PRPSAP2: variants seen among roughly 807,000 people sequenced by gnomAD.
PRPSAP2 encodes the protein phosphoribosyl pyrophosphate synthetase associated protein 2, also known as phosphoribosyl pyrophosphate synthase-associated protein 2.
In PRPSAP2, 24 loss-of-function variants were observed where a neutral mutation model predicts 40.6. That is an observed-to-expected ratio of 0.59 (90% confidence interval 0.43 to 0.83). The LOEUF is 0.83. PRPSAP2 is among the 40% of genes least tolerant of loss of function. The pLI is 0.00. For missense variants in PRPSAP2, 292 were observed against 465.6 expected (o/e 0.63, Z 3.43); for synonymous variants, 149 against 164.7 (o/e 0.90, Z 0.73).
rs762730489 is a variant in PRPSAP2, at chr17:18,877,701, C to T, written c.243C>T (p.Asp81=). Residue 81 remains aspartate, a synonymous_variant, in exon 6 of 12, where the codon GAC becomes GAT. Coordinates refer to ENST00000268835, the MANE Select transcript of PRPSAP2 (RefSeq NM_002767.4). ...DVFIIQTVSK[D]VNTTIMELLI... is the part of the protein sequence containing the mutation. Reference sequence around the variant, plus strand: ...ATTTGCTGTGTCTTTGTTACAGGGACGTGAACACCACCATCATGGAGCTCC... The same window carrying T: ...ATTTGCTGTGTCTTTGTTACAGGGATGTGAACACCACCATCATGGAGCTCC... The T allele has an allele frequency of 7.5e-6, 12 of 1,604,238 alleles. No homozygotes were observed. The highest frequency in any genetic ancestry group is 2.7e-5 in the African/African-American group (2 of 74,368).
chr17:18,880,345 A>G (rs1051139260), intron 6 of PRPSAP2, among the ~76,000 whole-genome samples: 19 of 152,160 alleles, frequency 1.2e-4, no homozygotes, highest in African/African-American at 3.1e-4. Context: ...TGATCGTTAC[A>G]AAGGTGGTGA....
rs1422715738 is a variant in PRPSAP2 at position 18,928,882 on chromosome 17, G to T, written c.876G>T (p.Lys292Asn). ...AETLKERGAY[K>N]IFVMATHGLL... ...CCCTGAAGGAAAGAGGTGCATATAAGATCTTTGTGATGGCAACTCATGGCT... is the reference window on the plus strand; with the variant it reads ...CCCTGAAGGAAAGAGGTGCATATAATATCTTTGTGATGGCAACTCATGGCT... The change falls in exon 11 of 12, where the codon AAG (lysine) becomes AAT (asparagine). Residue 292 changes from lysine to asparagine, a missense_variant. Transcript: ENST00000268835. The T allele has an allele frequency of 6.2e-6, 10 of 1,614,156 alleles. No homozygotes were observed. The highest frequency in any genetic ancestry group is 8.5e-6 in the Non-Finnish European group (10 of 1,180,006).
chr17:18,916,600 G>A (rs1023578659), intron 9 of PRPSAP2, among the ~76,000 whole-genome samples: 7 of 151,858 alleles, frequency 4.6e-5, no homozygotes, highest in Admixed American at 6.6e-5. Context: ...CAGGCTGGTC[G>A]CGAACCCCTG....
Position 18,911,232 on chromosome 17 carries a change from C to T in PRPSAP2, c.714C>T (p.His238=). 1 of 1,611,614 alleles carries T rather than the reference C, an allele frequency of 6.2e-7. No individual in the cohort carries two copies. Among genetic ancestry groups the T allele is most frequent in the Non-Finnish European group, 8.5e-7 (1 of 1,178,450 alleles). Residue 238 remains histidine (H), a synonymous_variant, in exon 9 of 12, where the codon CAC becomes CAT. Coordinates refer to ENST00000268835, the MANE Select transcript of PRPSAP2 (RefSeq NM_002767.4). This position sits in a 1 kb window ranked among gnomAD's most constrained non-coding sequence, Gnocchi z 4.5. Reference sequence around the variant, plus strand: ...TGGTCAGAAGTGTGGCTGCCATCCACCCCAGCCTGGAGATCCCCAGTAAGT... The same window carrying T: ...TGGTCAGAAGTGTGGCTGCCATCCATCCCAGCCTGGAGATCCCCAGTAAGT... ...PPMVRSVAAI[H]PSLEIPMLIP... is the part of the protein sequence containing the mutation.
chr17:18,870,260 G>A (rs1450528557), intron 4 of PRPSAP2, among the ~76,000 whole-genome samples: 2 of 152,106 alleles, frequency 1.3e-5, no homozygotes, highest in African/African-American at 2.4e-5. Flanking sequence ...CAGGCCGGGT[G>A]CGGTGGCTCA....
chr17:18,889,513 T>A (rs2039402866), intron 7 of PRPSAP2, among the ~76,000 whole-genome samples: 1 of 152,196 alleles, frequency 6.6e-6, no homozygotes, highest in South Asian at 2.1e-4. Flanking sequence ...ACTTTGAAAT[T>A]ACATGTAATT....
At chr17:18,910,387 ACACTTC>A (rs923389073) in intron 8 of PRPSAP2, among the ~76,000 whole-genome samples, 22 of 152,310 alleles carry the variant, frequency 1.4e-4, no homozygotes, top group Admixed American at 1.2e-3. Flanking sequence ...TCCTGCCACC[ACACTTC>A]AGTCTGGGCG....
intron 11 of PRPSAP2, 69 bp downstream of exon 11, chr17:18,929,026 G>T: frequency 6.4e-7 from 1 of 1,554,826 alleles, no homozygotes. Context: ...TTTAGTTACA[G>T]AGAGTCAGGA....
At chr17:18,924,271 C>T (rs2041851081) in intron 10 of PRPSAP2, among the ~76,000 whole-genome samples, 1 of 152,160 alleles carries the variant, frequency 6.6e-6, no homozygotes, top group African/African-American at 2.4e-5. Context: ...AGCTCCTGAA[C>T]TTAAGTGATC....
chr17:18,866,173 C>T (rs901976501), intron 3 of PRPSAP2, among the ~76,000 whole-genome samples: 3 of 151,770 alleles, frequency 2.0e-5, no homozygotes, highest in African/African-American at 7.3e-5. Flanking sequence ...TAAACTATCC[C>T]ATCTCCCTAC....
chr17:18,923,386 G>A (rs552081309), intron 9 of PRPSAP2, among the ~76,000 whole-genome samples: 71 of 151,826 alleles, frequency 4.7e-4, no homozygotes, highest in African/African-American at 1.5e-3. Flanking sequence ...GATTACAGGC[G>A]TGAGCCACCA....
rs901981236 is a variant in PRPSAP2, at chr17:18,892,796, G to A, written c.584+2919G>A. On this transcript the variant is annotated intron_variant, in intron 8 of 11. Transcript: ENST00000268835. Reference sequence around the variant, plus strand: ...GTCACCCAGGCTGGAGTGCAGTGGCGCGATCTCGGCTCACTGCAACCTCCG... The same window carrying A: ...GTCACCCAGGCTGGAGTGCAGTGGCACGATCTCGGCTCACTGCAACCTCCG... Among the ~76,000 whole-genome samples, 5 of 149,954 alleles carry A rather than the reference G, an allele frequency of 3.3e-5. No homozygotes were observed. The East Asian group carries it at 5.9e-4, about 18-fold the overall frequency.
At position 18,907,862 on chromosome 17, in the gene PRPSAP2, C is replaced by T. The variant is rs139770624; in HGVS notation, c.585-3241C>T. Among the ~76,000 whole-genome samples, 410 of 152,214 alleles carry T rather than the reference C, an allele frequency of 2.7e-3. 1 individual carries two copies. Among genetic ancestry groups the T allele is most frequent in the Non-Finnish European group, 4.3e-3 (294 of 68,028 alleles). The stretch of plus-strand genomic sequence containing the variant: ...AATGAAAATGAAGACACAGGCCAGG[C>T]GCGGTGGCTCATGCCTGTATTCCCA... On this transcript the variant is annotated intron_variant, in intron 8 of 11. Coordinates refer to ENST00000268835, the MANE Select transcript of PRPSAP2 (RefSeq NM_002767.4).
intron 1 of PRPSAP2, among the ~76,000 whole-genome samples, chr17:18,863,526 CTCTTT>C (rs71155363): frequency 0.44 from 65,943 of 150,900 alleles, 14,574 homozygotes; most frequent in Middle Eastern, 0.5. Context: ...CTTTCTTCTT[CTCTTT>C]TCTTTTCTTT....
intron 5 of PRPSAP2, among the ~76,000 whole-genome samples, chr17:18,875,690 C>T (rs760194759): frequency 6.6e-6 from 1 of 151,842 alleles, no homozygotes; most frequent in Non-Finnish European, 1.5e-5. Context: ...CCTGTCTCTA[C>T]TGAAAATACA....
intron 8 of PRPSAP2, among the ~76,000 whole-genome samples, chr17:18,893,938 A>C (rs1418307967): frequency 6.6e-6 from 1 of 151,796 alleles, no homozygotes; most frequent in Admixed American, 6.6e-5. Context: ...GCTCACTGCA[A>C]CCTCTGCCTC....
intron 8 of PRPSAP2, among the ~76,000 whole-genome samples, chr17:18,905,835 G>C (rs1391895443): frequency 2.6e-5 from 4 of 152,032 alleles, no homozygotes; most frequent in Admixed American, 1.3e-4. Context: ...TGCCCGCCTC[G>C]GCCTCCCAAA....
chr17:18,879,527 C>G (rs956641474), intron 6 of PRPSAP2, among the ~76,000 whole-genome samples: 8 of 152,068 alleles, frequency 5.3e-5, no homozygotes, highest in African/African-American at 1.9e-4. Context: ...GATCTCGGCT[C>G]ACCGCAACCT....
chr17:18,875,564 C>T (rs1275980179), intron 5 of PRPSAP2, among the ~76,000 whole-genome samples: 4 of 147,566 alleles, frequency 2.7e-5, no homozygotes, highest in Non-Finnish European at 4.5e-5. Flanking sequence ...GGCTCCATCT[C>T]GAAGTAAAAA....
Sources: allele counts gnomAD v4.1 joint callset (sites outside exome capture counted in the v4.1 genomes callset), GRCh38; gene constraint gnomAD v4.1.1; non-coding constraint Gnocchi (gnomAD v3.1); transcripts MANE v1.5; gene names NCBI Gene and HGNC (gene_info 2026-07-23, HGNC 2026-07-21).